Variants in FURIN observed in about 807,000 individuals in gnomAD.
FURIN encodes furin, paired basic amino acid cleaving enzyme.
In FURIN, 18 loss-of-function variants were observed where a neutral mutation model predicts 89.2. That is an observed-to-expected ratio of 0.20 (90% CI 0.14 to 0.30). The LOEUF is 0.30. FURIN is among the 10% of genes least tolerant of loss of function. The probability of loss-of-function intolerance (pLI) is 1.00; values close to 1 mark genes in which losing one functional copy is unlikely to be tolerated. For synonymous variants in FURIN, 508 were observed against 466.4 expected, an observed-to-expected ratio of 1.09 and a Z score of -1.15; for missense variants, 879 against 1,100.5, an observed-to-expected ratio of 0.80 and a Z score of 2.85.
Position 90,880,186 on chromosome 15 carries a change from G to C in FURIN, c.1469G>C (p.Arg490Pro), listed in dbSNP as rs371102875. The C allele has an allele frequency of 6.2e-7, 1 of 1,612,664 alleles. No individual in the cohort carries two copies. Among genetic ancestry groups the C allele is most frequent in the Non-Finnish European group, 8.5e-7 (1 of 1,179,690 alleles). ...ACTCGGCTGGAGCACGCTCAGGCGCGGCTCACCCTGTCCTATAATCGCCGT... is the reference window on the plus strand; with the variant it reads ...ACTCGGCTGGAGCACGCTCAGGCGCCGCTCACCCTGTCCTATAATCGCCGT... The part of the protein sequence containing the change: ...HITRLEHAQA[R>P]LTLSYNRRGD... The change falls in exon 13 of 16, where the codon CGG becomes CCG. Residue 490 changes from arginine to proline, a missense_variant. Arg to Pro is a moderately radical substitution (Grantham distance 103, BLOSUM62 -2). Around this residue, in one of 5 missense-constraint regions of FURIN, gnomAD observed 457 missense variants for 490.7 expected, o/e 0.93. Coordinates refer to ENST00000268171, the MANE Select transcript of FURIN (RefSeq NM_002569.4).
chr15:90,870,935 T>C (rs915841802), intron 1 of FURIN, among the ~76,000 whole-genome samples: 1 of 152,212 alleles, frequency 6.6e-6, no homozygotes, highest in African/African-American at 2.4e-5. Flanking sequence ...GCCTGGTGCC[T>C]GGCAAGCGGT....
intron 6 of FURIN, 70 bp downstream of exon 6, chr15:90,877,281 G>C (rs1021624649): frequency 8.5e-6 from 11 of 1,293,216 alleles, no homozygotes; most frequent in South Asian, 1.4e-5. Flanking sequence ...GGCTGAGCCT[G>C]GGTGAGATGT....
chr15:90,876,830 T>A lies in FURIN; in HGVS notation c.373-66T>A. 1 of 1,568,254 alleles carries A rather than the reference T, an allele frequency of 6.4e-7. No individual in the cohort carries two copies. Among genetic ancestry groups the A allele is most frequent in the African/African-American group, 1.4e-5 (1 of 74,064 alleles). On this transcript the variant is annotated intron_variant, in intron 4 of 15. Coordinates refer to ENST00000268171, the MANE Select transcript of FURIN (RefSeq NM_002569.4). The surrounding 1 kb of genome is among the most constrained non-coding windows in gnomAD (Gnocchi z 5.0). ...GGTTTTACGGGGGCAAAGGGATTCTTCAAGATGCTCCTAGCCTCACAAAAC... is the reference window on the plus strand; with the variant it reads ...GGTTTTACGGGGGCAAAGGGATTCTACAAGATGCTCCTAGCCTCACAAAAC...
chr15:90,880,577 C>T, intron 13 of FURIN, 114 bp from the exon 14 acceptor site: 2 of 1,185,318 alleles, frequency 1.7e-6, no homozygotes, highest in Admixed American at 2.5e-5. Context: ...CACTTCTGGC[C>T]CCATGGGGTT....
rs2031168933 is a variant in FURIN at position 90,869,054 on chromosome 15, G to A, written c.-160+343G>A. ...AGTCAGGATGACTGGGTGGATTTAG[G>A]ACTATGTGATTCTCAGGAGCCTCTC... On this transcript the variant is annotated intron_variant, in intron 1 of 15. Transcript: ENST00000268171. 4.6e-5 allele frequency among the ~76,000 whole-genome samples: 7 copies of A among 152,262 alleles called. No individual in the cohort carries two copies. In the South Asian group the frequency reaches 1.5e-3, roughly 32 times the overall value.
intron 8 of FURIN, 66 bp downstream of exon 8, chr15:90,878,370 T>C: frequency 7.5e-7 from 1 of 1,326,288 alleles, no homozygotes; most frequent in Non-Finnish European, 1.0e-6. Flanking sequence ...CTATCTTGTG[T>C]TTTTTGGTTT....
Position 90,881,178 on chromosome 15 carries a change from G to A in FURIN, c.1793-108G>A. On this transcript the variant is annotated intron_variant, in intron 15 of 15. Coordinates refer to ENST00000268171, the MANE Select transcript of FURIN (RefSeq NM_002569.4). The surrounding 1 kb of genome is among the most constrained non-coding windows in gnomAD (Gnocchi z 4.3). ...GGGCTCTTGGGATGACCACAGTCCT[G>A]GGGCTGGAGGATCCTGGGGATGTGG... The A allele has an allele frequency of 9.0e-7, 1 of 1,107,306 alleles. No individual in the cohort carries two copies. Among genetic ancestry groups the A allele is most frequent in the Non-Finnish European group, 1.3e-6 (1 of 753,136 alleles). 68.6% of individuals were successfully genotyped at this position (1,107,306 alleles called of 1,614,324 possible).
In FURIN at chr15:90,882,221, C is replaced by T; in HGVS notation, c.*343C>T. The T allele has an allele frequency of 3.2e-6, 1 of 313,346 alleles. No individual in the cohort carries two copies. The highest frequency in any genetic ancestry group is 6.0e-6 in the Non-Finnish European group (1 of 166,844). 19.4% of individuals were successfully genotyped at this position (313,346 alleles called of 1,614,324 possible). A position where few individuals can be genotyped will look rare whatever the true frequency, so the allele number is the denominator to read the frequency against. ...GGGATTCCTGACCCAGGCCGCAGCT[C>T]TTGCCCTTCCCTGTCCCTCTAAAGC... On this transcript the variant is annotated 3_prime_UTR_variant, in exon 16 of 16. Coordinates refer to ENST00000268171, the MANE Select transcript of FURIN (RefSeq NM_002569.4).
In FURIN at chr15:90,876,417, C is replaced by G; in HGVS notation, c.277-45C>G. The stretch of plus-strand genomic sequence containing the variant: ...CCCTCCTGCTCTCAGGAGCCCCTCT[C>G]GCCTCCTGCTCCACCCACACCATCT... On this transcript the variant is annotated intron_variant, in intron 3 of 15. Transcript: ENST00000268171. The surrounding 1 kb of genome is among the most constrained non-coding windows in gnomAD (Gnocchi z 5.0). 6.5e-7 allele frequency: 1 copy of G among 1,531,902 alleles called. No individual in the cohort carries two copies. Among genetic ancestry groups the G allele is most frequent in the Non-Finnish European group, 9.0e-7 (1 of 1,105,076 alleles). The allele number at this position is 1,531,902 out of a possible 1,614,324, so 94.9% of individuals were successfully genotyped here.
chr15:90,881,709 G>T lies in FURIN; in HGVS notation c.2216G>T (p.Arg739Leu). Reference sequence around the variant, plus strand: ...ACTGTCTTCCTGGTCCTGCAGCTGCGCTCTGGCTTTAGTTTTCGGGGGGTG... The same window carrying T: ...ACTGTCTTCCTGGTCCTGCAGCTGCTCTCTGGCTTTAGTTTTCGGGGGGTG... ...FVTVFLVLQL[R>L]SGFSFRGVKV... The change falls in exon 16 of 16, where the codon CGC becomes CTC. Residue 739 changes from arginine to leucine, a missense_variant. Physicochemically the swap from Arg to Leu is moderately radical, Grantham distance 102. Around this residue, in one of 5 missense-constraint regions of FURIN, gnomAD observed 457 missense variants for 490.7 expected, o/e 0.93. Transcript: ENST00000268171. This position sits in a 1 kb window ranked among gnomAD's most constrained non-coding sequence, Gnocchi z 4.3. 6.3e-7 allele frequency: 1 copy of T among 1,594,034 alleles called. No homozygotes were observed. Among genetic ancestry groups the T allele is most frequent in the Non-Finnish European group, 8.6e-7 (1 of 1,168,692 alleles).
In FURIN at chr15:90,879,553, G is replaced by A; in HGVS notation, c.1154+9G>A. The A allele has an allele frequency of 6.2e-7, 1 of 1,600,572 alleles. No homozygotes were observed. The highest frequency in any genetic ancestry group is 8.6e-7 in the Non-Finnish European group (1 of 1,167,996). ...CTCACCCTGGAGGCCAAGTAAGTGG[G>A]TGGGGGCCAGCGGCAACCCTGTCCC... On this transcript the variant is annotated intron_variant, in intron 10 of 15. Coordinates refer to ENST00000268171, the MANE Select transcript of FURIN (RefSeq NM_002569.4).
Position 90,882,098 on chromosome 15 carries a change from C to G in FURIN, c.*220C>G. 1.8e-6 allele frequency: 1 copy of G among 551,002 alleles called. No homozygotes were observed. Among genetic ancestry groups the G allele is most frequent in the Non-Finnish European group, 3.2e-6 (1 of 310,528 alleles). 34.1% of individuals were successfully genotyped at this position (551,002 alleles called of 1,614,324 possible). On this transcript the variant is annotated 3_prime_UTR_variant, in exon 16 of 16. Coordinates refer to ENST00000268171, the MANE Select transcript of FURIN (RefSeq NM_002569.4). ...CCGTACCCCACCCTCAGCACCCCTT[C>G]CATGTGGAGAAAGGAGTGAAACCTT...
intron 1 of FURIN, among the ~76,000 whole-genome samples, chr15:90,870,912 T>C (rs1443453752): frequency 6.6e-6 from 1 of 152,068 alleles, no homozygotes; most frequent in Non-Finnish European, 1.5e-5. Context: ...AAGGAGATAA[T>C]GTAAAGTGAC....
Position 90,876,420 on chromosome 15 carries a change from C to T in FURIN, c.277-42C>T. 1 of 1,556,766 alleles carries T rather than the reference C, an allele frequency of 6.4e-7. No individual in the cohort carries two copies. The highest frequency in any genetic ancestry group is 8.9e-7 in the Non-Finnish European group (1 of 1,127,908). ...TCCTGCTCTCAGGAGCCCCTCTCGC[C>T]TCCTGCTCCACCCACACCATCTCTC... is the stretch of plus-strand genomic sequence containing the variant. On this transcript the variant is annotated intron_variant, in intron 3 of 15. Transcript: ENST00000268171. This position sits in a 1 kb window ranked among gnomAD's most constrained non-coding sequence, Gnocchi z 5.0.
rs749633833 is a variant in FURIN, at chr15:90,881,923, C to A, written c.*45C>A. ...CTCAAGCCAATCCCCTCCTTGGGCA[C>A]TTTTTAATTCACCAAAGTATTTTTT... On this transcript the variant is annotated 3_prime_UTR_variant, in exon 16 of 16. Coordinates refer to ENST00000268171, the MANE Select transcript of FURIN (RefSeq NM_002569.4). The surrounding 1 kb of genome is among the most constrained non-coding windows in gnomAD (Gnocchi z 4.3). 1.5e-6 allele frequency: 2 copies of A among 1,313,034 alleles called. No individual in the cohort carries two copies. The highest frequency in any genetic ancestry group is 2.6e-5 in the South Asian group (2 of 78,278). 81.3% of individuals were successfully genotyped at this position (1,313,034 alleles called of 1,614,324 possible). A position where few individuals can be genotyped will look rare whatever the true frequency, so the allele number is the denominator to read the frequency against.
In FURIN at chr15:90,880,098, A is replaced by C. The variant is rs1178685289; in HGVS notation, c.1381A>C (p.Ile461Leu). Residue 461 changes from isoleucine to leucine, a missense_variant, in exon 13 of 16, where the codon ATC becomes CTC. Ile to Leu is a conservative substitution (Grantham distance 5). This residue lies in a region of FURIN where 457 missense variants were observed against 490.7 expected (regional missense o/e 0.93). Transcript: ENST00000268171. ...TCATGGTGCTCTCCTGCACAGAGAC[A>C]TCGGGAAACGGCTCGAGGTGCGGAA... ...IIDILTEPKDIGKRLEVRKTV... is the reference protein window; with the variant it reads ...IIDILTEPKDLGKRLEVRKTV... 6.2e-7 allele frequency: 1 copy of C among 1,604,422 alleles called. No homozygotes were observed. The highest frequency in any genetic ancestry group is 8.5e-7 in the Non-Finnish European group (1 of 1,173,786).
At chr15:90,874,893 A>G (rs1351830056) in intron 1 of FURIN, among the ~76,000 whole-genome samples, 1 of 152,228 alleles carries the variant, frequency 6.6e-6, no homozygotes, top group Non-Finnish European at 1.5e-5. Flanking sequence ...TTTAAAAAAT[A>G]AAATGGGATT....
At chr15:90,878,679 G>C in intron 8 of FURIN, 85 bp from the exon 9 acceptor site, 3 of 779,432 alleles carry the variant, frequency 3.8e-6, no homozygotes, top group Non-Finnish European at 6.4e-6. Flanking sequence ...TGAGGCTCCA[G>C]CCTTCCCAGT....
intron 6 of FURIN, 125 bp downstream of exon 6, chr15:90,877,336 C>T: frequency 1.0e-6 from 1 of 974,584 alleles, no homozygotes; most frequent in Non-Finnish European, 1.5e-6. Context: ...CCTGGCCCAC[C>T]TGGGGCTCTG....
Sources: allele counts gnomAD v4.1 joint callset (sites outside exome capture counted in the v4.1 genomes callset), GRCh38; gene constraint gnomAD v4.1.1; regional missense constraint gnomAD v4.1.1; non-coding constraint Gnocchi (gnomAD v3.1); transcripts MANE v1.5; gene names NCBI Gene and HGNC (gene_info 2026-07-23, HGNC 2026-07-21).